Variants in IL1RAPL2 observed in about 807,000 individuals in gnomAD.
The protein encoded by IL1RAPL2 is interleukin 1 receptor accessory protein like 2, also known as X-linked interleukin-1 receptor accessory protein-like 2.
In IL1RAPL2, 3 loss-of-function variants were observed where a neutral mutation model predicts 44.1. The ratio of observed to expected loss-of-function variants is 0.07; its 90% CI spans 0.03 to 0.18. The LOEUF (loss-of-function observed/expected upper bound fraction) is 0.18, where lower values mean the gene tolerates loss of function less well. IL1RAPL2 is among the 10% of genes least tolerant of loss of function. IL1RAPL2 has a pLI of 1.00. For missense variants in IL1RAPL2, 391 were observed against 496.4 expected (o/e 0.79, Z 2.02); for synonymous variants, 181 against 178.8 (o/e 1.01, Z -0.10).
intron 5 of IL1RAPL2, among the ~76,000 whole-genome samples, chrX:105,383,727 A>G (rs2035455007): frequency 8.9e-6 from 1 of 112,273 alleles, no homozygotes; most frequent in African/African-American, 3.2e-5. Flanking sequence ...CATTCCTACC[A>G]ACAGTATAGA....
At chrX:104,619,977 C>T (rs1929353756) in intron 1 of IL1RAPL2, among the ~76,000 whole-genome samples, 2 of 110,984 alleles carry the variant, frequency 1.8e-5, no homozygotes. Flanking sequence ...TGAGGAAGTA[C>T]TAGCATTCTA....
chrX:105,232,716 ATTAAT>A (rs1373168899), intron 3 of IL1RAPL2, among the ~76,000 whole-genome samples: 1 of 112,282 alleles, frequency 8.9e-6, no homozygotes. Flanking sequence ...AGTTAGTTAG[ATTAAT>A]TAAATATGTT....
chrX:104,952,053 A>G (rs999028949), intron 2 of IL1RAPL2, among the ~76,000 whole-genome samples: 1 of 112,020 alleles, frequency 8.9e-6, no homozygotes, highest in Non-Finnish European at 1.9e-5. Context: ...ATAATATCAA[A>G]TTAATGCTAA....
chrX:104,828,769 A>G (rs1402313144), intron 2 of IL1RAPL2, among the ~76,000 whole-genome samples: 1 of 112,027 alleles, frequency 8.9e-6, no homozygotes, highest in Non-Finnish European at 1.9e-5. Context: ...GGGAGATGGG[A>G]GTTTTATCTA....
intron 6 of IL1RAPL2, among the ~76,000 whole-genome samples, chrX:105,509,769 C>G (rs1041322803): frequency 9.0e-6 from 1 of 111,173 alleles, no homozygotes; most frequent in African/African-American, 3.3e-5. Context: ...GTGTTTCCCT[C>G]TAATCCAGCA....
Position 105,232,035 on chromosome X carries a change from T to G in IL1RAPL2, c.357-1783T>G, listed in dbSNP as rs1028541561. ...GTGGGCATATCTTATGACCTTTGTG[T>G]TCCAGGAACCCATGTAGAGGAAGAA... On this transcript the variant is annotated intron_variant, in intron 3 of 10. Coordinates refer to ENST00000372582, the MANE Select transcript of IL1RAPL2 (RefSeq NM_017416.2). 4.5e-5 allele frequency among the ~76,000 whole-genome samples: 5 copies of G among 111,973 alleles called. No individual in the cohort carries two copies. In the East Asian group the frequency reaches 1.4e-3, roughly 32 times the overall value.
At chrX:104,860,162 A>G (rs925804626) in intron 2 of IL1RAPL2, among the ~76,000 whole-genome samples, 1 of 111,788 alleles carries the variant, frequency 8.9e-6, no homozygotes, top group Non-Finnish European at 1.9e-5. Context: ...ATGTTAGCCT[A>G]TGGAGCTGAC....
At chrX:105,599,896 C>T (rs2037238284) in intron 6 of IL1RAPL2, among the ~76,000 whole-genome samples, 1 of 110,968 alleles carries the variant, frequency 9.0e-6, no homozygotes, top group Non-Finnish European at 1.9e-5. Context: ...TACAAAGAAA[C>T]CTAATCTATT....
chrX:104,859,673 G>A (rs1922447596), intron 2 of IL1RAPL2, among the ~76,000 whole-genome samples: 1 of 112,082 alleles, frequency 8.9e-6, no homozygotes, highest in African/African-American at 3.2e-5. Flanking sequence ...TGATCTGGGT[G>A]AGAAAGTAAT....
Position 105,690,723 on chromosome X carries a change from A to G in IL1RAPL2, c.773-26644A>G, listed in dbSNP as rs142864703. On this transcript the variant is annotated intron_variant, in intron 6 of 10. Coordinates refer to ENST00000372582, the MANE Select transcript of IL1RAPL2 (RefSeq NM_017416.2). The stretch of plus-strand genomic sequence containing the variant: ...TGAGAATTTTAGGAATATTCTAATT[A>G]CATAAGAATTTAACCATCTCTATAA... Among the ~76,000 whole-genome samples the G allele has an allele frequency of 7.4e-3, 834 of 112,224 alleles. 27 individuals carry two copies. Among genetic ancestry groups the G allele is most frequent in the East Asian group, 0.074 (262 of 3,532 alleles).
chrX:104,777,540 C>CT (rs1932737142), intron 2 of IL1RAPL2, among the ~76,000 whole-genome samples: 1 of 84,154 alleles, frequency 1.2e-5, no homozygotes, highest in Non-Finnish European at 2.3e-5. Flanking sequence ...ACTCTGCTTT[C>CT]AATTATTATT....
At chrX:105,642,567 C>G (rs756647639) in intron 6 of IL1RAPL2, among the ~76,000 whole-genome samples, 1 of 112,038 alleles carries the variant, frequency 8.9e-6, no homozygotes, top group South Asian at 3.7e-4. Context: ...CCTGATCTCT[C>G]TTATTCAGCT....
chrX:104,904,731 T>C (rs2147676410), intron 2 of IL1RAPL2, among the ~76,000 whole-genome samples: 1 of 109,908 alleles, frequency 9.1e-6, no homozygotes, highest in East Asian at 2.9e-4. Context: ...GTTCCAAGTC[T>C]TTGCTATTGT....
intron 2 of IL1RAPL2, among the ~76,000 whole-genome samples, chrX:104,696,957 A>G (rs1216241169): frequency 2.7e-5 from 3 of 112,299 alleles, no homozygotes; most frequent in Non-Finnish European, 3.7e-5. Context: ...GGAATCACAG[A>G]TTTCTCTGCT....
chrX:105,072,391 C>A (rs899455402), intron 2 of IL1RAPL2, among the ~76,000 whole-genome samples: 7 of 111,388 alleles, frequency 6.3e-5, no homozygotes, highest in Non-Finnish European at 1.3e-4. Context: ...GAATGGGGTA[C>A]TGCTATAAAG....
intron 1 of IL1RAPL2, among the ~76,000 whole-genome samples, chrX:104,634,080 A>T (rs868302539): frequency 6.3e-5 from 7 of 111,177 alleles, no homozygotes; most frequent in East Asian, 5.6e-4. Flanking sequence ...CATCTTTATT[A>T]CTGCCTTCAT....
At chrX:104,795,975 C>G (rs771761706) in intron 2 of IL1RAPL2, among the ~76,000 whole-genome samples, 2 of 111,985 alleles carry the variant, frequency 1.8e-5, no homozygotes, top group Non-Finnish European at 3.8e-5. Context: ...CAGGGAAGGT[C>G]TTTGAATTCC....
intron 7 of IL1RAPL2, among the ~76,000 whole-genome samples, chrX:105,737,830 T>C (rs1444136211): frequency 9.0e-6 from 1 of 111,554 alleles, no homozygotes; most frequent in Non-Finnish European, 1.9e-5. Flanking sequence ...ACCATGAAAG[T>C]AGTAAATTCC....
At position 105,219,453 on chromosome X, in the gene IL1RAPL2, C is replaced by G. The variant is rs180688423; in HGVS notation, c.357-14365C>G. The G allele has an allele frequency of 6.3e-5, 76 of 1,207,467 alleles. No homozygotes were observed. In the African/African-American group the frequency reaches 1.2e-3, roughly 19 times the overall value. On this transcript the variant is annotated intron_variant, in intron 3 of 10. Transcript: ENST00000372582. ...TTTCCTGATCAGCATCTCCAAGGAG[C>G]TGCAGGAGGATTCTCTCCAGCTTCT...
Sources: gnomAD v4.1 joint callset for allele counts (sites outside exome capture counted in the v4.1 genomes callset) on GRCh38, gnomAD v4.1.1 for gene constraint, MANE v1.5 for transcripts, NCBI Gene and HGNC (gene_info 2026-07-23, HGNC 2026-07-21) for gene names.